The following PDE3A variants were observed in gnomAD, a reference collection of about 807,000 sequenced individuals.
The protein encoded by PDE3A is cGMP-inhibited 3',5'-cyclic phosphodiesterase 3A.
PDE3A carries 43 observed loss-of-function variants against 98.3 expected under a neutral mutation model. The ratio of observed to expected loss-of-function variants is 0.44; its 90% CI spans 0.34 to 0.56. The LOEUF is 0.56. Ranked by LOEUF, PDE3A falls within the 20% of genes least tolerant of loss-of-function variation. PDE3A has a pLI of 0.01. For synonymous variants in PDE3A, 663 were observed against 567.9 expected (o/e 1.17, Z -2.38); for missense variants, 1,427 against 1,440.7 (o/e 0.99, Z 0.15).
intron 1 of PDE3A, among the ~76,000 whole-genome samples, chr12:20,440,607 T>G (rs1247204876): frequency 6.6e-6 from 1 of 152,222 alleles, no homozygotes; most frequent in African/African-American, 2.4e-5. Flanking sequence ...TCTTGAGTAC[T>G]TGTTTACTAC....
intron 1 of PDE3A, among the ~76,000 whole-genome samples, chr12:20,381,015 G>A (rs1465557548): frequency 6.6e-6 from 1 of 151,776 alleles, no homozygotes; most frequent in Non-Finnish European, 1.5e-5. Flanking sequence ...TATAATTGGA[G>A]TTGTTTTTTG....
At chr12:20,494,834 G>T (rs115586865) in intron 1 of PDE3A, among the ~76,000 whole-genome samples, 1,503 of 145,136 alleles carry the variant, frequency 0.01, 32 homozygotes, top group African/African-American at 0.036. Context: ...AAAGGTAATT[G>T]AAGAGAATTG....
chr12:20,672,902 G>T (rs1365374536), intron 15 of PDE3A, among the ~76,000 whole-genome samples: 2 of 142,686 alleles, frequency 1.4e-5, no homozygotes, highest in African/African-American at 2.6e-5. Flanking sequence ...TACCATCAGA[G>T]TGAACAGGCA....
intron 1 of PDE3A, among the ~76,000 whole-genome samples, chr12:20,505,635 G>T (rs1946103467): frequency 6.6e-6 from 1 of 152,088 alleles, no homozygotes; most frequent in Non-Finnish European, 1.5e-5. Context: ...AGACAAAGCA[G>T]ATTTATCATG....
chr12:20,685,073 C>T lies in PDE3A; in HGVS notation c.*4802C>T, dbSNP rs757461689. ...TAACTTGAAGTGCTTTTTGTGTTCC[C>T]ACCAGCAAATCATTCTAACAGCAGG... On this transcript the variant is annotated 3_prime_UTR_variant, in exon 16 of 16. Coordinates refer to ENST00000359062, the MANE Select transcript of PDE3A (RefSeq NM_000921.5). Among the ~76,000 whole-genome samples, 5 of 152,062 alleles carry T rather than the reference C, an allele frequency of 3.3e-5. No homozygotes were observed. The highest frequency in any genetic ancestry group is 7.4e-5 in the Non-Finnish European group (5 of 68,006).
At chr12:20,410,074 CTTG>C (rs1944306070) in intron 1 of PDE3A, among the ~76,000 whole-genome samples, 2 of 152,178 alleles carry the variant, frequency 1.3e-5, no homozygotes, top group African/African-American at 4.8e-5. Context: ...ATTCCCAAGT[CTTG>C]CTGTCCCCAG....
At chr12:20,602,669 A>G (rs1228063439) in intron 2 of PDE3A, among the ~76,000 whole-genome samples, 2 of 152,192 alleles carry the variant, frequency 1.3e-5, no homozygotes, top group African/African-American at 4.8e-5. Flanking sequence ...AGGGCCCTAT[A>G]GGTTTTCCTC....
intron 1 of PDE3A, among the ~76,000 whole-genome samples, chr12:20,460,223 A>G (rs1294889044): frequency 1.3e-5 from 2 of 152,224 alleles, no homozygotes; most frequent in Admixed American, 6.5e-5. Context: ...TGTAGTTTAG[A>G]GTCTTCCTGC....
At chr12:20,500,243 A>G (rs1197566797) in intron 1 of PDE3A, among the ~76,000 whole-genome samples, 3 of 152,220 alleles carry the variant, frequency 2.0e-5, no homozygotes, top group Non-Finnish European at 4.4e-5. Context: ...GGTGTTCTTG[A>G]AAAGAGAACT....
chr12:20,458,600 G>A (rs1380109354), intron 1 of PDE3A, among the ~76,000 whole-genome samples: 1 of 152,114 alleles, frequency 6.6e-6, no homozygotes, highest in Non-Finnish European at 1.5e-5. Context: ...ACTATAAGCA[G>A]AAAAAACTGG....
chr12:20,494,761 G>T (rs1945888740), intron 1 of PDE3A, among the ~76,000 whole-genome samples: 1 of 151,712 alleles, frequency 6.6e-6, no homozygotes, highest in Admixed American at 6.6e-5. Context: ...AAATATTTAG[G>T]ACTATTTTGC....
At chr12:20,502,956 A>G (rs1946050134) in intron 1 of PDE3A, among the ~76,000 whole-genome samples, 1 of 152,116 alleles carries the variant, frequency 6.6e-6, no homozygotes, top group Non-Finnish European at 1.5e-5. Flanking sequence ...TAATCTTTCT[A>G]AGTCATTTTC....
At chr12:20,570,087 T>C (rs930149835) in intron 2 of PDE3A, among the ~76,000 whole-genome samples, 1 of 151,994 alleles carries the variant, frequency 6.6e-6, no homozygotes, top group Non-Finnish European at 1.5e-5. Context: ...GAACTTATGA[T>C]GAAAAGCAAG....
chr12:20,458,742 A>G (rs1945195734), intron 1 of PDE3A, among the ~76,000 whole-genome samples: 2 of 152,166 alleles, frequency 1.3e-5, no homozygotes, highest in Admixed American at 1.3e-4. Context: ...CCTGAGAGTC[A>G]GAAACATAAG....
intron 10 of PDE3A, among the ~76,000 whole-genome samples, chr12:20,643,542 T>C (rs1944694716): frequency 6.6e-6 from 1 of 152,166 alleles, no homozygotes; most frequent in African/African-American, 2.4e-5. Context: ...ATCTAAGTGA[T>C]TGATGACAGT....
chr12:20,576,253 G>C (rs1038156484), intron 2 of PDE3A, among the ~76,000 whole-genome samples: 10 of 151,820 alleles, frequency 6.6e-5, no homozygotes, highest in African/African-American at 2.4e-4. Flanking sequence ...TTAAATTTTA[G>C]CATTACCAGT....
intron 10 of PDE3A, among the ~76,000 whole-genome samples, chr12:20,645,474 T>C (rs1565461034): frequency 6.6e-6 from 1 of 152,126 alleles, no homozygotes; most frequent in Admixed American, 6.5e-5. Flanking sequence ...TTAAGTATTA[T>C]GAAGAAATGT....
intron 5 of PDE3A, among the ~76,000 whole-genome samples, chr12:20,627,565 A>C (rs1592127011): frequency 5.1e-5 from 7 of 137,618 alleles, no homozygotes; most frequent in South Asian, 2.4e-4. Context: ...AATTTTACCC[A>C]CCCCCACCCT....
chr12:20,474,494 A>G (rs745895747), intron 1 of PDE3A, among the ~76,000 whole-genome samples: 3 of 152,218 alleles, frequency 2.0e-5, no homozygotes, highest in Non-Finnish European at 2.9e-5. Context: ...GTGGCTTAAA[A>G]CAACACACAT....
Sources: gnomAD v4.1 joint callset for allele counts (sites outside exome capture counted in the v4.1 genomes callset) on GRCh38, gnomAD v4.1.1 for gene constraint, MANE v1.5 for transcripts, NCBI Gene and HGNC (gene_info 2026-07-23, HGNC 2026-07-21) for gene names.